Variants in CAMTA1 observed in about 807,000 individuals in gnomAD.
CAMTA1 encodes calmodulin binding transcription activator 1.
CAMTA1 carries 27 observed loss-of-function variants against 170.9 expected under a neutral mutation model. The observed-to-expected ratio is 0.16, with a 90% CI of 0.12 to 0.22. CAMTA1 has a LOEUF of 0.22. Ranked by LOEUF, CAMTA1 falls within the 10% of genes least tolerant of loss-of-function variation. The probability of loss-of-function intolerance (pLI) is 1.00; values close to 1 mark genes in which losing one functional copy is unlikely to be tolerated. For missense variants in CAMTA1, 1,619 were observed against 2,217.2 expected (o/e 0.73, Z 5.42); for synonymous variants, 833 against 891.5 (o/e 0.93, Z 1.17).
rs374429792 is a variant in CAMTA1 at position 7,341,583 on chromosome 1, C to T, written c.438+91957C>T. 3.1e-3 allele frequency among the ~76,000 whole-genome samples: 470 copies of T among 152,342 alleles called. 1 individual carries two copies. Among genetic ancestry groups the T allele is most frequent in the African/African-American group, 0.01 (429 of 41,578 alleles). ...GAGCTGGCTCCCCTGCAAATGACGA[C>T]GAAAGCAGCCCCAGCTGGCATTTGC... On this transcript the variant is annotated intron_variant, in intron 5 of 22. Transcript: ENST00000303635.
chr1:6,827,892 T>C (rs554084152), intron 3 of CAMTA1, among the ~76,000 whole-genome samples: 1 of 152,300 alleles, frequency 6.6e-6, no homozygotes, highest in African/African-American at 2.4e-5. Flanking sequence ...GTAGTTGGCT[T>C]GTATTTAGAA....
chr1:7,676,565 G>A (rs1057178468), intron 10 of CAMTA1, among the ~76,000 whole-genome samples: 1 of 152,198 alleles, frequency 6.6e-6, no homozygotes, highest in Non-Finnish European at 1.5e-5. Context: ...CGGCTTCCTC[G>A]ACTCTATAAG....
chr1:6,916,166 A>G (rs4908427), intron 3 of CAMTA1, among the ~76,000 whole-genome samples: 19,913 of 152,068 alleles, frequency 0.13, 1,656 homozygotes, highest in Admixed American at 0.28. Context: ...TTCTCCTGCT[A>G]TCGGGTGGGA....
At chr1:7,639,511 G>A (rs1055097141) in intron 6 of CAMTA1, among the ~76,000 whole-genome samples, 6 of 152,254 alleles carry the variant, frequency 3.9e-5, no homozygotes, top group Admixed American at 6.5e-5. Context: ...GGTGGCTCAC[G>A]CCTGTCATCG....
At position 7,224,664 on chromosome 1, in the gene CAMTA1, G is replaced by C. The variant is rs1278665380; in HGVS notation, c.303-24827G>C. On this transcript the variant is annotated intron_variant, in intron 4 of 22. Coordinates refer to ENST00000303635, the MANE Select transcript of CAMTA1 (RefSeq NM_015215.4). This position sits in a 1 kb window ranked among gnomAD's most constrained non-coding sequence, Gnocchi z 5.2. ...GGAGGCGTGACACCCGCGCCTCTCC[G>C]CTGGTGTCATTGATTGCTAAGGGCA... Among the ~76,000 whole-genome samples the C allele has an allele frequency of 6.6e-6, 1 of 152,048 alleles. No homozygotes were observed. Among genetic ancestry groups the C allele is most frequent in the Admixed American group, 6.5e-5 (1 of 15,278 alleles).
At chr1:7,640,771 C>T (rs546980885) in intron 7 of CAMTA1, among the ~76,000 whole-genome samples, 14 of 152,286 alleles carry the variant, frequency 9.2e-5, no homozygotes, top group African/African-American at 2.6e-4. Context: ...GCCAGGCCCA[C>T]GTGACAGATG....
At chr1:6,988,994 G>A (rs1432051657) in intron 3 of CAMTA1, among the ~76,000 whole-genome samples, 1 of 152,192 alleles carries the variant, frequency 6.6e-6, no homozygotes, top group African/African-American at 2.4e-5. Flanking sequence ...GTCCCAATGG[G>A]GAGGCCTTCA....
At chr1:7,677,132 G>A (rs1276176348) in intron 10 of CAMTA1, among the ~76,000 whole-genome samples, 1 of 152,184 alleles carries the variant, frequency 6.6e-6, no homozygotes, top group Admixed American at 6.5e-5. Flanking sequence ...ACAAGGGATG[G>A]CTGGCTGTTC....
At chr1:7,599,973 C>G (rs1333103312) in intron 6 of CAMTA1, among the ~76,000 whole-genome samples, 1 of 152,162 alleles carries the variant, frequency 6.6e-6, no homozygotes, top group Non-Finnish European at 1.5e-5. Context: ...ACTTCCAACG[C>G]TGTGTTGAAT....
intron 7 of CAMTA1, among the ~76,000 whole-genome samples, chr1:7,654,454 G>C (rs1164342081): frequency 6.6e-6 from 1 of 151,664 alleles, no homozygotes; most frequent in Admixed American, 6.6e-5. Flanking sequence ...CCTGATGTCA[G>C]AACCCCTTGA....
intron 11 of CAMTA1, among the ~76,000 whole-genome samples, chr1:7,707,896 C>T (rs555968104): frequency 6.6e-6 from 1 of 152,276 alleles, no homozygotes; most frequent in Non-Finnish European, 1.5e-5. Context: ...CTTTGCTATT[C>T]TCTTATGTGA....
chr1:7,268,887 A>G (rs1376722071), intron 5 of CAMTA1, among the ~76,000 whole-genome samples: 1 of 152,242 alleles, frequency 6.6e-6, no homozygotes, highest in Non-Finnish European at 1.5e-5. Flanking sequence ...ATAATCTATT[A>G]TAAATATCCT....
chr1:6,825,747 GA>G (rs1303004730), intron 3 of CAMTA1, among the ~76,000 whole-genome samples: 2 of 152,214 alleles, frequency 1.3e-5, no homozygotes, highest in African/African-American at 4.8e-5. Flanking sequence ...CATCCAATTA[GA>G]AAGTAGATTT....
At chr1:6,890,717 G>T (rs1674331225) in intron 3 of CAMTA1, among the ~76,000 whole-genome samples, 1 of 152,002 alleles carries the variant, frequency 6.6e-6, no homozygotes, top group South Asian at 2.1e-4. Flanking sequence ...ACCACAGGTG[G>T]GGGCCACCAT....
chr1:7,438,948 C>T (rs951388330), intron 5 of CAMTA1, among the ~76,000 whole-genome samples: 7 of 152,212 alleles, frequency 4.6e-5, no homozygotes, highest in Non-Finnish European at 7.3e-5. Flanking sequence ...GTCCTGGGTG[C>T]GGTGCCTGCA....
intron 6 of CAMTA1, among the ~76,000 whole-genome samples, chr1:7,604,750 G>A (rs544488782): frequency 6.6e-6 from 1 of 152,306 alleles, no homozygotes; most frequent in South Asian, 2.1e-4. Flanking sequence ...GAGGAGGAGA[G>A]GTGCTCTGAT....
chr1:7,221,897 GCT>G, intron 4 of CAMTA1, among the ~76,000 whole-genome samples: 1 of 131,862 alleles, frequency 7.6e-6, no homozygotes, highest in African/African-American at 4.3e-5. Flanking sequence ...ATGTGCACAA[GCT>G]GGTGCATACA....
chr1:6,997,902 G>A (rs904646528), intron 3 of CAMTA1, among the ~76,000 whole-genome samples: 1 of 151,760 alleles, frequency 6.6e-6, no homozygotes, highest in Non-Finnish European at 1.5e-5. Flanking sequence ...CAGGTGATCC[G>A]CCCTCCTTGG....
rs191515802 is a variant in CAMTA1 at position 7,556,212 on chromosome 1, A to G, written c.511-84188A>G. Reference sequence around the variant, plus strand: ...CCTAAGTTGTCCCTGGCCTGGGGTGACTAGGGCAGCTAGATGGTGGCCCTT... The same window carrying G: ...CCTAAGTTGTCCCTGGCCTGGGGTGGCTAGGGCAGCTAGATGGTGGCCCTT... On this transcript the variant is annotated intron_variant, in intron 6 of 22. Coordinates refer to ENST00000303635, the MANE Select transcript of CAMTA1 (RefSeq NM_015215.4). Among the ~76,000 whole-genome samples the G allele has an allele frequency of 5.3e-3, 803 of 152,208 alleles. 4 individuals are homozygous for G. Among genetic ancestry groups the G allele is most frequent in the Non-Finnish European group, 7.2e-3 (487 of 68,006 alleles).
Sources: gnomAD v4.1 joint callset for allele counts (sites outside exome capture counted in the v4.1 genomes callset) on GRCh38, gnomAD v4.1.1 for gene constraint, Gnocchi (gnomAD v3.1) non-coding constraint, MANE v1.5 for transcripts, NCBI Gene and HGNC (gene_info 2026-07-23, HGNC 2026-07-21) for gene names.